HPSE2: variants seen among roughly 807,000 people sequenced by gnomAD.
The protein encoded by HPSE2 is inactive heparanase-2.
A neutral mutation model predicts 60.5 loss-of-function variants in HPSE2; 38 were observed. The observed-to-expected ratio is 0.63, with a 90% CI of 0.48 to 0.82. HPSE2 has a LOEUF of 0.82. Ranked by LOEUF, HPSE2 falls within the 40% of genes least tolerant of loss-of-function variation. The pLI is 0.00. For missense variants in HPSE2, 713 were observed against 740.4 expected (o/e 0.96, Z 0.43); for synonymous variants, 295 against 293.2 (o/e 1.01, Z -0.06).
intron 3 of HPSE2, among the ~76,000 whole-genome samples, chr10:98,920,574 C>T (rs1180197619): frequency 2.0e-5 from 3 of 152,092 alleles, no homozygotes; most frequent in African/African-American, 4.8e-5. Flanking sequence ...AGTACACAAC[C>T]CAGCCCAGTG....
intron 9 of HPSE2, among the ~76,000 whole-genome samples, chr10:98,560,198 T>C (rs538300450): frequency 1.3e-5 from 2 of 151,422 alleles, no homozygotes; most frequent in South Asian, 4.3e-4. Context: ...CTATCATTAC[T>C]GCCAATCTAA....
chr10:99,266,342 T>C, the HPSE2 span, among the ~76,000 whole-genome samples: 1 of 150,658 alleles, frequency 6.6e-6, no homozygotes, highest in Non-Finnish European at 1.5e-5. Context: ...TTTTGGGCTG[T>C]ATGGGAGCTG....
Position 99,130,841 on chromosome 10 carries a change from T to G in HPSE2, c.610+13397A>C, listed in dbSNP as rs113603727. 2.0e-3 allele frequency among the ~76,000 whole-genome samples: 308 copies of G among 152,234 alleles called. 2 individuals are homozygous for G. The highest frequency in any genetic ancestry group is 7.3e-3 in the African/African-American group (302 of 41,542). Reference sequence around the variant, plus strand: ...TTGCCACAGTATCTTATCAGCTAATTGCATTCTTGGATGTGCTGGGAGTCA... The same window carrying G: ...TTGCCACAGTATCTTATCAGCTAATGGCATTCTTGGATGTGCTGGGAGTCA... On this transcript the variant is annotated intron_variant, in intron 3 of 11. Coordinates refer to ENST00000370552, the MANE Select transcript of HPSE2 (RefSeq NM_021828.5).
chr10:99,040,427 A>T (rs1957711339), intron 3 of HPSE2, among the ~76,000 whole-genome samples: 1 of 152,154 alleles, frequency 6.6e-6, no homozygotes, highest in Non-Finnish European at 1.5e-5. Flanking sequence ...TTTGTATACC[A>T]ATTTATATTC....
At chr10:99,015,653 CA>C (rs1957122196) in intron 3 of HPSE2, among the ~76,000 whole-genome samples, 13 of 131,704 alleles carry the variant, frequency 9.9e-5, no homozygotes, top group Non-Finnish European at 1.2e-4. Flanking sequence ...GAACATCAAA[CA>C]CCGGGGCCTG....
At chr10:99,206,453 G>A (rs574409061) in intron 2 of HPSE2, among the ~76,000 whole-genome samples, 2 of 151,830 alleles carry the variant, frequency 1.3e-5, no homozygotes, top group African/African-American at 2.4e-5. Context: ...ATTAGCCGGG[G>A]GTGGTGGCAT....
At chr10:99,210,379 C>CA (rs1848915462) in intron 2 of HPSE2, among the ~76,000 whole-genome samples, 1 of 152,088 alleles carries the variant, frequency 6.6e-6, no homozygotes, top group African/African-American at 2.4e-5. Context: ...CAAATGCTTC[C>CA]AAAAAATTGA....
At chr10:99,071,390 A>C (rs901492369) in intron 3 of HPSE2, among the ~76,000 whole-genome samples, 1 of 151,960 alleles carries the variant, frequency 6.6e-6, no homozygotes, top group African/African-American at 2.4e-5. Flanking sequence ...TTTTTGAGGA[A>C]ATGTCATATC....
chr10:98,986,735 T>C (rs1305205013), intron 3 of HPSE2, among the ~76,000 whole-genome samples: 1 of 151,436 alleles, frequency 6.6e-6, no homozygotes, highest in African/African-American at 2.4e-5. Context: ...ACAAAATTGA[T>C]AGACTGCTAG....
intron 3 of HPSE2, among the ~76,000 whole-genome samples, chr10:98,946,291 G>A (rs1423805460): frequency 1.3e-5 from 2 of 151,906 alleles, no homozygotes; most frequent in African/African-American, 2.4e-5. Context: ...GCAGCATAGT[G>A]AGACCCCACC....
intron 6 of HPSE2, among the ~76,000 whole-genome samples, chr10:98,682,813 G>C (rs1347187776): frequency 8.5e-5 from 13 of 152,212 alleles, no homozygotes; most frequent in African/African-American, 2.6e-4. Context: ...AGAGTGAAAA[G>C]GGTCCTGAGA....
intron 3 of HPSE2, among the ~76,000 whole-genome samples, chr10:99,024,987 C>T (rs1037216411): frequency 4.6e-5 from 7 of 152,062 alleles, no homozygotes; most frequent in Admixed American, 1.3e-4. Context: ...AATAAATAAT[C>T]ACTGATAATA....
intron 3 of HPSE2, among the ~76,000 whole-genome samples, chr10:98,974,916 G>C (rs1430571304): frequency 6.6e-6 from 1 of 152,098 alleles, no homozygotes; most frequent in East Asian, 1.9e-4. Context: ...TCATTAGTAA[G>C]AAAATTTAAT....
chr10:99,117,096 C>A (rs1196958451), intron 3 of HPSE2, among the ~76,000 whole-genome samples: 1 of 151,758 alleles, frequency 6.6e-6, no homozygotes, highest in Non-Finnish European at 1.5e-5. Flanking sequence ...CCTTTTTTTG[C>A]AATATACATG....
chr10:98,460,194 A>C lies in HPSE2; in HGVS notation c.1614-455T>G, dbSNP rs1940227780. Among the ~76,000 whole-genome samples the C allele has an allele frequency of 2.6e-5, 4 of 152,274 alleles. No homozygotes were observed. The South Asian group carries it at 8.3e-4, about 32-fold the overall frequency. ...TACCTGTGGAATGATACATGGGCTT[A>C]AGATGACTTCAGAAATCTATTTAAC... On this transcript the variant is annotated intron_variant, in intron 11 of 11. Coordinates refer to ENST00000370552, the MANE Select transcript of HPSE2 (RefSeq NM_021828.5).
intron 3 of HPSE2, among the ~76,000 whole-genome samples, chr10:98,978,983 C>T (rs971312461): frequency 1.3e-5 from 2 of 152,174 alleles, no homozygotes; most frequent in East Asian, 3.9e-4. Flanking sequence ...AGCTCTTGAA[C>T]TGCGAACACG....
At chr10:98,553,885 T>G (rs1197475369) in intron 9 of HPSE2, among the ~76,000 whole-genome samples, 1 of 152,230 alleles carries the variant, frequency 6.6e-6, no homozygotes, top group Non-Finnish European at 1.5e-5. Flanking sequence ...GACAGCCACA[T>G]GTGTCTGTGT....
chr10:98,895,375 G>C (rs951120034), intron 3 of HPSE2, among the ~76,000 whole-genome samples: 3 of 152,140 alleles, frequency 2.0e-5, no homozygotes, highest in African/African-American at 4.8e-5. Flanking sequence ...GATCACAGTA[G>C]AATAAATTTT....
chr10:99,252,872 G>C, the HPSE2 span, among the ~76,000 whole-genome samples: 1 of 38,998 alleles, frequency 2.6e-5, no homozygotes, highest in African/African-American at 1.1e-4. Context: ...GCGAGACTCC[G>C]TCTCAAAAAA....
Sources: gnomAD v4.1 joint callset for allele counts (sites outside exome capture counted in the v4.1 genomes callset) on GRCh38, gnomAD v4.1.1 for gene constraint, MANE v1.5 for transcripts, NCBI Gene and HGNC (gene_info 2026-07-23, HGNC 2026-07-21) for gene names.